The following RFTN1 variants were observed in gnomAD, a reference collection of about 807,000 sequenced individuals.
The protein encoded by RFTN1 is raftlin.
In RFTN1, 26 loss-of-function variants were observed where a neutral mutation model predicts 46.5. The observed-to-expected ratio is 0.56, with a 90% CI of 0.41 to 0.78. The LOEUF (loss-of-function observed/expected upper bound fraction) is 0.78, where lower values mean the gene tolerates loss of function less well. Among genes scored for constraint, RFTN1 ranks in the 30% least tolerant of loss-of-function variants. The pLI is 0.00. For missense variants in RFTN1, 693 were observed against 718.7 expected (o/e 0.96, Z 0.41); for synonymous variants, 261 against 284.2 (o/e 0.92, Z 0.82).
At chr3:16,502,678 T>C (rs1281231181) in intron 1 of RFTN1, among the ~76,000 whole-genome samples, 1 of 152,272 alleles carries the variant, frequency 6.6e-6, no homozygotes, top group Non-Finnish European at 1.5e-5. Context: ...GAAGTTCCAC[T>C]GCAGGGCAAC....
At position 16,475,522 on chromosome 3, in the gene RFTN1, GT is replaced by G. The variant is rs1478489766; in HGVS notation, c.145+18202del. ...GAAGGCAATTACCCTACTGGGTGAGGTGAATGATCCCAATTTCCACAGGGAA... is the reference window on the plus strand; with the variant it reads ...GAAGGCAATTACCCTACTGGGTGAGGGAATGATCCCAATTTCCACAGGGAA... On this transcript the variant is annotated intron_variant, in intron 2 of 9. Coordinates refer to ENST00000334133, the MANE Select transcript of RFTN1 (RefSeq NM_015150.2). The surrounding 1 kb of genome is among the most constrained non-coding windows in gnomAD (Gnocchi z 4.2). 6.6e-6 allele frequency among the ~76,000 whole-genome samples: 1 copy of G among 152,202 alleles called. No individual in the cohort carries two copies. Among genetic ancestry groups the G allele is most frequent in the Non-Finnish European group, 1.5e-5 (1 of 68,042 alleles).
Position 16,460,053 on chromosome 3 carries a change from T to C in RFTN1, c.146-26016A>G, listed in dbSNP as rs1575323629. ...GGCATAGCTTTATTCTAAATTTTTA[T>C]GAATTTTAGAGTTGATTCAGAAATT... On this transcript the variant is annotated intron_variant, in intron 2 of 9. Transcript: ENST00000334133. The surrounding 1 kb of genome is among the most constrained non-coding windows in gnomAD (Gnocchi z 4.8). 1.3e-5 allele frequency among the ~76,000 whole-genome samples: 2 copies of C among 152,344 alleles called. No homozygotes were observed. Among genetic ancestry groups the C allele is most frequent in the African/African-American group, 4.8e-5 (2 of 41,582 alleles).
At position 16,384,369 on chromosome 3, in the gene RFTN1, C is replaced by T. The variant is rs1435730797; in HGVS notation, c.442-6267G>A. The stretch of plus-strand genomic sequence containing the variant: ...TGGAGGTCTCTAAATCTAAACCTGA[C>T]TAGGCATGAAATAAAAGTTCGGTAC... On this transcript the variant is annotated intron_variant, in intron 4 of 9. Transcript: ENST00000334133. The surrounding 1 kb of genome is among the most constrained non-coding windows in gnomAD (Gnocchi z 4.7). Among the ~76,000 whole-genome samples the T allele has an allele frequency of 1.3e-5, 2 of 152,216 alleles. No homozygotes were observed. The highest frequency in any genetic ancestry group is 1.3e-4 in the Admixed American group (2 of 15,286).
At position 16,473,063 on chromosome 3, in the gene RFTN1, T is replaced by C. The variant is rs1346704584; in HGVS notation, c.145+20662A>G. Reference sequence around the variant, plus strand: ...TGTTGGCTATAAATGAACTCATCGATAACACTCATTTCCCATTTAGATTTT... The same window carrying C: ...TGTTGGCTATAAATGAACTCATCGACAACACTCATTTCCCATTTAGATTTT... On this transcript the variant is annotated intron_variant, in intron 2 of 9. Transcript: ENST00000334133. This position sits in a 1 kb window ranked among gnomAD's most constrained non-coding sequence, Gnocchi z 5.3. Among the ~76,000 whole-genome samples the C allele has an allele frequency of 2.0e-5, 3 of 152,242 alleles. No individual in the cohort carries two copies. The highest frequency in any genetic ancestry group is 4.4e-5 in the Non-Finnish European group (3 of 68,038).
intron 2 of RFTN1, among the ~76,000 whole-genome samples, chr3:16,471,744 G>GT (rs1416420980): frequency 6.6e-6 from 1 of 152,138 alleles, no homozygotes. Context: ...TTATAGCTCT[G>GT]TCATGGCACA....
At chr3:16,343,063 T>C (rs2071416617) in intron 7 of RFTN1, among the ~76,000 whole-genome samples, 1 of 152,170 alleles carries the variant, frequency 6.6e-6, no homozygotes, top group African/African-American at 2.4e-5. Flanking sequence ...CAGGCTGGTT[T>C]TGAACTCCTG....
At chr3:16,364,154 A>T (rs994532923) in intron 6 of RFTN1, among the ~76,000 whole-genome samples, 1 of 152,260 alleles carries the variant, frequency 6.6e-6, no homozygotes, top group African/African-American at 2.4e-5. Flanking sequence ...CTTCAGGTAG[A>T]AAAGGGTTAG....
rs754174765 is a variant in RFTN1, at chr3:16,338,700, T to C, written c.1147-11824A>G. On this transcript the variant is annotated intron_variant, in intron 7 of 9. Transcript: ENST00000334133. This position sits in a 1 kb window ranked among gnomAD's most constrained non-coding sequence, Gnocchi z 5.3. ...CTACTTTATTACTCTCTTTAGACTA[T>C]CAGAGATGAATGAGGGATCCTATAT... Among the ~76,000 whole-genome samples the C allele has an allele frequency of 5.3e-5, 8 of 152,268 alleles. No homozygotes were observed. The highest frequency in any genetic ancestry group is 1.0e-4 in the Non-Finnish European group (7 of 68,044).
At position 16,447,725 on chromosome 3, in the gene RFTN1, G is replaced by A. The variant is rs1191217692; in HGVS notation, c.146-13688C>T. On this transcript the variant is annotated intron_variant, in intron 2 of 9. Coordinates refer to ENST00000334133, the MANE Select transcript of RFTN1 (RefSeq NM_015150.2). The surrounding 1 kb of genome is among the most constrained non-coding windows in gnomAD (Gnocchi z 5.9). ...GACTAATACAACGAAGCAATCAGGT[G>A]AAAATCATTTCTAATTACACCCAGA... Among the ~76,000 whole-genome samples, 1 of 152,162 alleles carries A rather than the reference G, an allele frequency of 6.6e-6. No individual in the cohort carries two copies. The highest frequency in any genetic ancestry group is 2.4e-5 in the African/African-American group (1 of 41,438).
rs951478364 is a variant in RFTN1 at position 16,337,306 on chromosome 3, G to A, written c.1147-10430C>T. 2 of 152,236 alleles carry A rather than the reference G, an allele frequency of 1.3e-5. No individual in the cohort carries two copies. The highest frequency in any genetic ancestry group is 2.9e-5 in the Non-Finnish European group (2 of 68,042). 9.4% of individuals were successfully genotyped at this position (152,236 alleles called of 1,614,324 possible). ...GAAGGAAAAATCACCCAGCTGACCT[G>A]TTTGGGTTATGATTTTAACTCACTA... On this transcript the variant is annotated intron_variant, in intron 7 of 9. Transcript: ENST00000334133. The surrounding 1 kb of genome is among the most constrained non-coding windows in gnomAD (Gnocchi z 5.0).
chr3:16,438,585 CAAAAAAAAAAAAA>C (rs61019061), intron 2 of RFTN1, among the ~76,000 whole-genome samples: 45 of 30,468 alleles, frequency 1.5e-3, no homozygotes, highest in Admixed American at 5.8e-3. Context: ...AACTCTGTCT[CAAAAAAAAAAAAA>C]AAAAAAAAAA....
chr3:16,388,919 GTTCA>G (rs1175342346), intron 4 of RFTN1, among the ~76,000 whole-genome samples: 1 of 152,162 alleles, frequency 6.6e-6, no homozygotes, highest in African/African-American at 2.4e-5. Flanking sequence ...GAACTCAAGG[GTTCA>G]TTAAGACTCC....
Position 16,389,964 on chromosome 3 carries a change from G to GA in RFTN1, c.442-11863dup, listed in dbSNP as rs1304573634. On this transcript the variant is annotated intron_variant, in intron 4 of 9. Transcript: ENST00000334133. Reference sequence around the variant, plus strand: ...TCTTAGAACCTAGCTGCCATGTTTTGAGGAAGCCTTAAGCAGTCTGTCGAG... The same window carrying GA: ...TCTTAGAACCTAGCTGCCATGTTTTGAAGGAAGCCTTAAGCAGTCTGTCGAG... Among the ~76,000 whole-genome samples the GA allele has an allele frequency of 8.2e-4, 125 of 152,322 alleles. 1 individual carries two copies. Among genetic ancestry groups the GA allele is most frequent in the Non-Finnish European group, 4.1e-4 (28 of 68,036 alleles).
rs932606308 is a variant in RFTN1 at position 16,323,526 on chromosome 3, T to C, written c.1251-69A>G. 5 of 1,113,254 alleles carry C rather than the reference T, an allele frequency of 4.5e-6. No homozygotes were observed. In the African/African-American group the frequency reaches 8.0e-5, roughly 18 times the overall value. The allele number at this position is 1,113,254 out of a possible 1,614,324, so 69.0% of individuals were successfully genotyped here. A position where few individuals can be genotyped will look rare whatever the true frequency, so the allele number is the denominator to read the frequency against. The stretch of plus-strand genomic sequence containing the variant: ...GGAACCCAAAACCTGACACAGATGT[T>C]GCCATCCCTAATTTCATCAAAGCAG... On this transcript the variant is annotated intron_variant, in intron 8 of 9. Coordinates refer to ENST00000334133, the MANE Select transcript of RFTN1 (RefSeq NM_015150.2).
rs2076776302 is a variant in RFTN1 at position 16,504,894 on chromosome 3, T to C, written c.-9+8548A>G. Among the ~76,000 whole-genome samples, 1 of 152,126 alleles carries C rather than the reference T, an allele frequency of 6.6e-6. No individual in the cohort carries two copies. The highest frequency in any genetic ancestry group is 6.5e-5 in the Admixed American group (1 of 15,276). On this transcript the variant is annotated intron_variant, in intron 1 of 9. Transcript: ENST00000334133. This position sits in a 1 kb window ranked among gnomAD's most constrained non-coding sequence, Gnocchi z 4.4. ...AGCACCTTGCCCAACAAGCTTGCTC[T>C]TCCTCCTGCATTTCTCGTCTCTGGG...
In RFTN1 at chr3:16,320,778, G is replaced by A. The variant is rs1271136544; in HGVS notation, c.1332+2598C>T. ...GAGCTGGAGGCCACAGAGAATGGGAGGCTGGCAGAGGAGGTAAGAGGGACC... is the reference window on the plus strand; with the variant it reads ...GAGCTGGAGGCCACAGAGAATGGGAAGCTGGCAGAGGAGGTAAGAGGGACC... On this transcript the variant is annotated intron_variant, in intron 9 of 9. Coordinates refer to ENST00000334133, the MANE Select transcript of RFTN1 (RefSeq NM_015150.2). This position sits in a 1 kb window ranked among gnomAD's most constrained non-coding sequence, Gnocchi z 4.5. 6.6e-6 allele frequency among the ~76,000 whole-genome samples: 1 copy of A among 152,222 alleles called. No individual in the cohort carries two copies. Among genetic ancestry groups the A allele is most frequent in the Non-Finnish European group, 1.5e-5 (1 of 68,040 alleles).
intron 2 of RFTN1, among the ~76,000 whole-genome samples, chr3:16,477,564 T>G (rs2076302127): frequency 6.6e-6 from 1 of 152,088 alleles, no homozygotes; most frequent in Non-Finnish European, 1.5e-5. Flanking sequence ...TATCTACAAA[T>G]AAACAACCTG....
At chr3:16,482,297 G>C (rs575740080) in intron 2 of RFTN1, among the ~76,000 whole-genome samples, 12 of 152,288 alleles carry the variant, frequency 7.9e-5, no homozygotes, top group African/African-American at 2.9e-4. Context: ...AGGATGAATT[G>C]AGCTAAAGTA....
intron 3 of RFTN1, among the ~76,000 whole-genome samples, chr3:16,411,823 A>G (rs898207688): frequency 6.6e-6 from 1 of 152,232 alleles, no homozygotes. Flanking sequence ...AGAAATATCC[A>G]TTGAGATTTC....
Sources: allele counts gnomAD v4.1 joint callset (sites outside exome capture counted in the v4.1 genomes callset), GRCh38; gene constraint gnomAD v4.1.1; non-coding constraint Gnocchi (gnomAD v3.1); transcripts MANE v1.5; gene names NCBI Gene and HGNC (gene_info 2026-07-23, HGNC 2026-07-21).